The following HELZ2 variants were observed in gnomAD, a reference collection of about 807,000 sequenced individuals.
The protein encoded by HELZ2 is 3'-5' exoribonuclease HELZ2.
In HELZ2, 143 loss-of-function variants were observed where a neutral mutation model predicts 208.8. The ratio of observed to expected loss-of-function variants is 0.68; its 90% CI spans 0.60 to 0.79. HELZ2 has a LOEUF of 0.79. Ranked by LOEUF, HELZ2 falls within the 30% of genes least tolerant of loss-of-function variation. The pLI is 0.00. For synonymous variants in HELZ2, 1,705 were observed against 1,693.7 expected (o/e 1.01, Z -0.16); for missense variants, 3,690 against 3,794.5 (o/e 0.97, Z 0.72).
exon 11 of HELZ2, chr20:63,561,840 G>A (rs1170034006): frequency 4.5e-6 from 7 of 1,563,822 alleles, no homozygotes; most frequent in South Asian, 2.3e-5. Flanking sequence ...GACATCCACC[G>A]ACTTGTTGGA....
exon 8 of HELZ2, chr20:63,563,988 T>G: frequency 6.2e-7 from 1 of 1,603,128 alleles, no homozygotes; most frequent in Non-Finnish European, 8.5e-7. Flanking sequence ...TAGTCCTGGG[T>G]GCGGGCAGCA....
At position 63,560,930 on chromosome 20, in the gene HELZ2, C is replaced by A; in HGVS notation, c.7147-1G>T. The stretch of plus-strand genomic sequence containing the variant: ...GCTTGTGGTCTCCGAGAAGAACCAC[C>A]TGGAGGAATAGGCAGGCCTGGCCCT... On this transcript the variant is annotated splice_acceptor_variant, in intron 14 of 18. Coordinates refer to ENST00000467148, the Ensembl canonical transcript of HELZ2. LOFTEE classifies it high-confidence loss of function. 6.2e-7 allele frequency: 1 copy of A among 1,612,614 alleles called. No homozygotes were observed. The highest frequency in any genetic ancestry group is 8.5e-7 in the Non-Finnish European group (1 of 1,179,738).
Position 63,565,980 on chromosome 20 carries a change from T to C in HELZ2, c.2842A>G (p.Met948Val), listed in dbSNP as rs755262665. 64 of 1,599,114 alleles carry C rather than the reference T, an allele frequency of 4.0e-5. 1 individual carries two copies. Among genetic ancestry groups the C allele is most frequent in the South Asian group, 3.4e-4 (31 of 90,892 alleles). Residue 948 changes from methionine to valine, a missense_variant, in exon 8 of 19, where the codon ATG (methionine) becomes GTG (valine). Physicochemically the swap from Met to Val is conservative, Grantham distance 21. Transcript: ENST00000467148. ...GCCACACCCTGCTCGACCTGCTCCATGGACAGGCCCTCGGGGCAGACACTG... is the reference window on the plus strand; with the variant it reads ...GCCACACCCTGCTCGACCTGCTCCACGGACAGGCCCTCGGGGCAGACACTG...
intron 1 of HELZ2, chr20:63,571,666 CCCCGCTCCAAGCT>C: frequency 2.7e-5 from 1 of 36,784 alleles, no homozygotes; most frequent in Non-Finnish European, 4.9e-5. Context: ...TGGGCTCCTG[CCCCGCTCCAAGCT>C]CCTGGGAACC....
Position 63,569,242 on chromosome 20 carries a change from C to T in HELZ2, c.994G>A (p.Val332Met), listed in dbSNP as rs201938713. 10 of 1,567,890 alleles carry T rather than the reference C, an allele frequency of 6.4e-6. No homozygotes were observed. The African/African-American group carries it at 6.8e-5, about 11-fold the overall frequency. Residue 332 changes from valine (V) to methionine (M), a missense_variant, in exon 4 of 19, where the codon GTG (valine) becomes ATG (methionine). Around this residue, in one of 3 missense-constraint regions of HELZ2, gnomAD observed 1,119 missense variants for 1,193.4 expected, o/e 0.94. Coordinates refer to ENST00000467148, the Ensembl canonical transcript of HELZ2. ...GTTGGTGAGATGGGGCCCGAGGCCA[C>T]GCTGCTGCGGTTGAACTCCAGGGCC...
rs376824048 is a variant in HELZ2, at chr20:63,562,932, C to T, written c.5890G>A (p.Val1964Ile). The change falls in exon 8 of 19, where the codon GTC (valine) becomes ATC (isoleucine). Residue 1964 changes from valine (V) to isoleucine (I), a missense_variant. By Grantham distance (29) the Val-to-Ile change is conservative. Around this residue, in one of 3 missense-constraint regions of HELZ2, gnomAD observed 2,564 missense variants for 2,580.5 expected, o/e 0.99. Coordinates refer to ENST00000467148, the Ensembl canonical transcript of HELZ2. ...GAGACACTCAGGTGCTGAAGTGTGA[C>T]GGAGTCATTCTCGGCAACCGCGCCG... is the stretch of plus-strand genomic sequence containing the variant. The T allele has an allele frequency of 2.2e-5, 35 of 1,592,274 alleles. No individual in the cohort carries two copies. Among genetic ancestry groups the T allele is most frequent in the Admixed American group, 2.0e-4 (11 of 55,806 alleles).
chr20:63,560,565 C>T (rs748230640), exon 16 of HELZ2: 6 of 1,612,894 alleles, frequency 3.7e-6, no homozygotes, highest in East Asian at 2.2e-5. Context: ...TGGCCCTGCA[C>T]GTGGCCAAAG....
intron 3 of HELZ2, chr20:63,570,148 C>T (rs528126636): frequency 1.9e-5 from 7 of 365,752 alleles, no homozygotes; most frequent in African/African-American, 1.3e-4. Flanking sequence ...TCAGTAGAGA[C>T]GGAGTTTCAC....
exon 8 of HELZ2, chr20:63,563,617 G>A (rs758143305): frequency 2.7e-5 from 41 of 1,539,752 alleles, no homozygotes; most frequent in Non-Finnish European, 3.6e-5. Context: ...CCAGAGGCTG[G>A]GCCTTGAGCT....
In HELZ2 at chr20:63,566,825, C is replaced by T. The variant is rs748799916; in HGVS notation, c.2514+19G>A. On this transcript the variant is annotated intron_variant, in intron 6 of 18. Transcript: ENST00000467148. The stretch of plus-strand genomic sequence containing the variant: ...AGCAGGGGTGCGGTCGGGGGCTGTC[C>T]CGGGCTGGCCGGGCTCACCTGGGCA... 6.3e-7 allele frequency: 1 copy of T among 1,576,124 alleles called. No individual in the cohort carries two copies. The highest frequency in any genetic ancestry group is 8.6e-7 in the Non-Finnish European group (1 of 1,165,326).
At position 63,562,912 on chromosome 20, in the gene HELZ2, A is replaced by G. The variant is rs2082905380; in HGVS notation, c.5910T>C (p.Ser1970=). The change falls in exon 8 of 19, where the codon AGT becomes AGC. Residue 1970 remains serine (S), a synonymous_variant. Transcript: ENST00000467148. Reference sequence around the variant, plus strand: ...GCGTCCGTGACGCCTCCCAGGAGACACTCAGGTGCTGAAGTGTGACGGAGT... The same window carrying G: ...GCGTCCGTGACGCCTCCCAGGAGACGCTCAGGTGCTGAAGTGTGACGGAGT... 3 of 1,596,840 alleles carry G rather than the reference A, an allele frequency of 1.9e-6. No individual in the cohort carries two copies. In the East Asian group the frequency reaches 6.8e-5, roughly 36 times the overall value.
At chr20:63,567,297 G>A (rs764118476) in exon 6 of HELZ2, 192 of 1,609,762 alleles carry the variant, frequency 1.2e-4, no homozygotes, top group Non-Finnish European at 9.1e-5. Context: ...CGAGGCGGGT[G>A]CCGTGCGAGG....
chr20:63,572,173 G>A, exon 1 of HELZ2: 1 of 1,610,652 alleles, frequency 6.2e-7, no homozygotes, highest in Non-Finnish European at 8.5e-7. Context: ...GCAGGGCCTG[G>A]TCGAAGGCCA....
At chr20:63,565,542 G>T (rs1178128175) in exon 8 of HELZ2, 1 of 1,606,692 alleles carries the variant, frequency 6.2e-7, no homozygotes, top group Admixed American at 1.7e-5. Context: ...GTGTCCAGCA[G>T]CCCGTCCTCC....
chr20:63,574,189 T>A (rs2083038047), upstream of HELZ2: 1 of 131,050 alleles, frequency 7.6e-6, no homozygotes, highest in Non-Finnish European at 1.6e-5. Context: ...CTCACCCTCC[T>A]GGAGCTGCCT....
intron 12 of HELZ2, 22 bp from the exon 14 acceptor site, chr20:63,561,488 G>C (rs2082886406): frequency 2.5e-6 from 4 of 1,594,650 alleles, no homozygotes; most frequent in Non-Finnish European, 3.4e-6. Flanking sequence ...GACACAGTGA[G>C]CCCTGTCCAC....
At chr20:63,564,052 A>G (rs1051514681) in exon 8 of HELZ2, 18 of 1,604,376 alleles carry the variant, frequency 1.1e-5, no homozygotes, top group Admixed American at 1.7e-5. Flanking sequence ...TGTCGGGGGG[A>G]CTGCCCCCGC....
exon 8 of HELZ2, chr20:63,564,082 G>A (rs543940078): frequency 2.6e-5 from 42 of 1,607,814 alleles, no homozygotes; most frequent in South Asian, 1.5e-4. Context: ...GGTGGTGGCC[G>A]AGGTGCAGTG....
intron 11 of HELZ2, 32 bp from the exon 13 acceptor site, chr20:63,561,777 C>T (rs1176400089): frequency 7.0e-6 from 11 of 1,561,946 alleles, no homozygotes; most frequent in Non-Finnish European, 9.5e-6. Context: ...GAGTCCTGCC[C>T]CGCGTGCCAG....
Sources: allele counts gnomAD v4.1 joint callset, GRCh38; gene constraint gnomAD v4.1.1; regional missense constraint gnomAD v4.1.1; transcripts MANE v1.5; gene names NCBI Gene and HGNC (gene_info 2026-07-23, HGNC 2026-07-21).